The following EHF variants were observed in gnomAD, a reference collection of about 807,000 sequenced individuals.
EHF encodes ETS homologous factor, also known as ESE3 transcription factor.
EHF carries 14 observed loss-of-function variants against 45.1 expected under a neutral mutation model. The ratio of observed to expected loss-of-function variants is 0.31; its 90% CI spans 0.21 to 0.49. The LOEUF is 0.49. Among genes scored for constraint, EHF ranks in the 20% least tolerant of loss-of-function variants. The pLI, the probability that EHF is intolerant of heterozygous loss-of-function variation, is 0.99. For synonymous variants in EHF, 136 were observed against 131.8 expected, an observed-to-expected ratio of 1.03 and a Z score of -0.22; for missense variants, 282 against 371.4, an observed-to-expected ratio of 0.76 and a Z score of 1.98.
intron 1 of EHF, chr11:34,632,708 A>G (rs1853013615): frequency 2.0e-6 from 3 of 1,528,484 alleles, no homozygotes; most frequent in African/African-American, 1.4e-5. Context: ...CTCTTGCCCC[A>G]TTCCATTCAC....
At chr11:34,639,043 G>GC (rs1055191311) in intron 1 of EHF, among the ~76,000 whole-genome samples, 115 of 152,306 alleles carry the variant, frequency 7.6e-4, no homozygotes, top group African/African-American at 2.7e-3. Context: ...TTTCAAAACA[G>GC]CCCTTAGGCT....
chr11:34,630,853 C>T lies in EHF; in HGVS notation c.-4+9625C>T, dbSNP rs149797138. 5.0e-3 allele frequency among the ~76,000 whole-genome samples: 757 copies of T among 152,190 alleles called. 10 individuals carry two copies. Among genetic ancestry groups the T allele is most frequent in the African/African-American group, 0.017 (722 of 41,522 alleles). On this transcript the variant is annotated intron_variant, in intron 1 of 8. Coordinates refer to ENST00000257831, the MANE Select transcript of EHF (RefSeq NM_012153.6). ...GTTCTTAATGCTCCTGGAGAGGCAA[C>T]ATTTCTGAGGCCCCACTGCCATAAG...
chr11:34,634,542 T>A (rs1388446685), intron 1 of EHF, among the ~76,000 whole-genome samples: 1 of 152,142 alleles, frequency 6.6e-6, no homozygotes, highest in African/African-American at 2.4e-5. Context: ...CAAGCCCTGG[T>A]TAAGATCTGC....
At chr11:34,632,173 T>C (rs1239556959) in intron 1 of EHF, among the ~76,000 whole-genome samples, 1 of 152,212 alleles carries the variant, frequency 6.6e-6, no homozygotes, top group African/African-American at 2.4e-5. Flanking sequence ...CTCAGGCTGT[T>C]TGGGCAGATG....
chr11:34,658,338 A>G (rs1855849300), intron 7 of EHF, among the ~76,000 whole-genome samples, 195 bp from the exon 8 acceptor site: 1 of 152,146 alleles, frequency 6.6e-6, no homozygotes, highest in South Asian at 2.1e-4. Flanking sequence ...TTTGTAAAAT[A>G]AAATATTGTG....
chr11:34,648,302 ATCTG>A (rs1389096985), intron 3 of EHF, among the ~76,000 whole-genome samples: 1 of 152,032 alleles, frequency 6.6e-6, no homozygotes, highest in Non-Finnish European at 1.5e-5. Flanking sequence ...GATGTTTAGA[ATCTG>A]TCTGGGGAAG....
intron 1 of EHF, among the ~76,000 whole-genome samples, chr11:34,623,485 G>A (rs995586334): frequency 2.6e-5 from 4 of 152,084 alleles, no homozygotes; most frequent in African/African-American, 7.2e-5. Context: ...TCCCACTCGC[G>A]ATTCCATGTT....
chr11:34,625,806 A>C (rs1026653415), intron 1 of EHF, among the ~76,000 whole-genome samples: 2 of 151,958 alleles, frequency 1.3e-5, no homozygotes, highest in African/African-American at 4.8e-5. Context: ...GGTCTGCATT[A>C]TCTCTCCTCC....
chr11:34,628,926 A>T (rs560646504), intron 1 of EHF, among the ~76,000 whole-genome samples: 15 of 152,290 alleles, frequency 9.8e-5, no homozygotes, highest in African/African-American at 3.6e-4. Flanking sequence ...GCCATCTTAA[A>T]ATTCTTCGTA....
intron 1 of EHF, among the ~76,000 whole-genome samples, chr11:34,625,696 A>T (rs1457115264): frequency 1.3e-5 from 2 of 152,130 alleles, no homozygotes; most frequent in East Asian, 3.9e-4. Flanking sequence ...TAAAAGAGAC[A>T]CCCTGTAAAA....
At chr11:34,633,099 T>A (rs1853051548) in intron 1 of EHF, among the ~76,000 whole-genome samples, 1 of 152,184 alleles carries the variant, frequency 6.6e-6, no homozygotes, top group African/African-American at 2.4e-5. Context: ...CTGATGCAAG[T>A]AACCATCAGA....
At chr11:34,629,608 T>C (rs1852685542) in intron 1 of EHF, among the ~76,000 whole-genome samples, 1 of 152,196 alleles carries the variant, frequency 6.6e-6, no homozygotes, top group African/African-American at 2.4e-5. Flanking sequence ...TAGGGCTAAG[T>C]TTTTATAGAC....
chr11:34,642,492 TGGCAATGGGTGGCA>T (rs1391590708), intron 1 of EHF, 122 bp from the exon 2 acceptor site: 7 of 582,506 alleles, frequency 1.2e-5, no homozygotes, highest in Non-Finnish European at 2.1e-5. Context: ...AAAAACGCTT[TGGCAATGGGTGGCA>T]GGCAATGGGT....
chr11:34,631,960 G>C (rs1852933243), intron 1 of EHF, among the ~76,000 whole-genome samples: 1 of 152,146 alleles, frequency 6.6e-6, no homozygotes, highest in African/African-American at 2.4e-5. Flanking sequence ...GCAGACCATG[G>C]ACACCCCTGA....
chr11:34,642,165 G>A (rs1854063642), intron 1 of EHF: 1 of 165,512 alleles, frequency 6.0e-6, no homozygotes, highest in Non-Finnish European at 1.3e-5. Flanking sequence ...TGGGTGTGCA[G>A]GTGCGATTGC....
At chr11:34,639,288 A>G (rs1046425683) in intron 1 of EHF, among the ~76,000 whole-genome samples, 1 of 152,222 alleles carries the variant, frequency 6.6e-6, no homozygotes, top group African/African-American at 2.4e-5. Context: ...GGGAGCTGAA[A>G]TAAGAGCATT....
chr11:34,644,811 C>G (rs1470344046), intron 2 of EHF, among the ~76,000 whole-genome samples: 1 of 152,246 alleles, frequency 6.6e-6, no homozygotes, highest in Non-Finnish European at 1.5e-5. Flanking sequence ...CACATGGAAG[C>G]TTGCTAGGAA....
At chr11:34,629,297 G>A (rs761797366) in intron 1 of EHF, among the ~76,000 whole-genome samples, 18 of 152,272 alleles carry the variant, frequency 1.2e-4, no homozygotes, top group Middle Eastern at 3.4e-3. Context: ...ATACTGGTGG[G>A]TTTTTCATGA....
At chr11:34,622,447 T>TA in intron 1 of EHF, 1 of 1,267,458 alleles carries the variant, frequency 7.9e-7, no homozygotes, top group Non-Finnish European at 1.0e-6. Flanking sequence ...TTTCAATGTG[T>TA]AAAAGGGCAA....
Sources: gnomAD v4.1 joint callset for allele counts (sites outside exome capture counted in the v4.1 genomes callset) on GRCh38, gnomAD v4.1.1 for gene constraint, MANE v1.5 for transcripts, NCBI Gene and HGNC (gene_info 2026-07-23, HGNC 2026-07-21) for gene names.